Variants in GPM6A observed in about 807,000 individuals in gnomAD.
GPM6A encodes the protein glycoprotein M6A, also known as neuronal membrane glycoprotein M6-a.
A neutral mutation model predicts 32.1 loss-of-function variants in GPM6A; 7 were observed. That is an observed-to-expected ratio of 0.22 (90% CI 0.12 to 0.41). The LOEUF (loss-of-function observed/expected upper bound fraction) is 0.41. Among genes scored for constraint, GPM6A ranks in the 10% least tolerant of loss-of-function variants. The pLI is 1.00. For missense variants in GPM6A, 235 were observed against 347.2 expected, an observed-to-expected ratio of 0.68 and a Z score of 2.57; for synonymous variants, 130 against 123.4, an observed-to-expected ratio of 1.05 and a Z score of -0.35.
chr4:175,640,925 T>C, intron 4 of GPM6A, 96 bp from the exon 5 acceptor site: 1 of 715,458 alleles, frequency 1.4e-6, no homozygotes, highest in Admixed American at 2.4e-5. Flanking sequence ...CTAAGCAAGT[T>C]CCATTTTATC....
At chr4:175,817,401 C>T (rs747674973) in intron 1 of GPM6A, among the ~76,000 whole-genome samples, 5 of 152,192 alleles carry the variant, frequency 3.3e-5, no homozygotes, top group Non-Finnish European at 7.3e-5. Flanking sequence ...AGACAAATTC[C>T]TGCCCTAATT....
At chr4:175,904,036 T>G (rs1279174764) in intron 1 of GPM6A, among the ~76,000 whole-genome samples, 2 of 152,206 alleles carry the variant, frequency 1.3e-5, no homozygotes, top group Non-Finnish European at 2.9e-5. Flanking sequence ...TTCTACTATA[T>G]TCTATGTGGA....
intron 1 of GPM6A, among the ~76,000 whole-genome samples, chr4:175,969,551 A>G (rs1161773154): frequency 6.6e-6 from 1 of 152,122 alleles, no homozygotes; most frequent in Non-Finnish European, 1.5e-5. Flanking sequence ...TCTACTGAAA[A>G]AAAGAAAAAA....
chr4:175,936,279 C>T (rs1283515154), intron 1 of GPM6A, among the ~76,000 whole-genome samples: 5 of 113,600 alleles, frequency 4.4e-5, no homozygotes, highest in African/African-American at 2.5e-4. Flanking sequence ...GCACTCCAGC[C>T]TGGGCGACAC....
intron 1 of GPM6A, among the ~76,000 whole-genome samples, chr4:175,809,142 G>A (rs953894852): frequency 5.9e-5 from 9 of 152,094 alleles, no homozygotes; most frequent in East Asian, 3.8e-4. Context: ...AATCATTTAC[G>A]TATTTTCTCG....
chr4:175,991,101 G>A (rs1186729902), intron 1 of GPM6A, among the ~76,000 whole-genome samples: 12 of 126,162 alleles, frequency 9.5e-5, no homozygotes, highest in South Asian at 7.3e-4. Context: ...ACGTAATTTC[G>A]CTCTTGTAGC....
intron 1 of GPM6A, among the ~76,000 whole-genome samples, chr4:175,719,248 G>T (rs1279980606): frequency 6.6e-6 from 1 of 151,112 alleles, no homozygotes; most frequent in African/African-American, 2.4e-5. Context: ...CACCAGGCTG[G>T]AGTGCAGTGG....
chr4:175,837,391 A>G (rs1735801340), intron 1 of GPM6A, among the ~76,000 whole-genome samples: 1 of 152,176 alleles, frequency 6.6e-6, no homozygotes, highest in African/African-American at 2.4e-5. Context: ...TTACAGCAGC[A>G]ATAGGAAACT....
chr4:175,636,293 T>C (rs981899568), intron 6 of GPM6A, among the ~76,000 whole-genome samples: 6 of 130,886 alleles, frequency 4.6e-5, no homozygotes, highest in South Asian at 4.6e-4. Flanking sequence ...TATATATATA[T>C]ATATACATAT....
chr4:175,979,670 T>C (rs1740767577), intron 1 of GPM6A, among the ~76,000 whole-genome samples: 1 of 152,150 alleles, frequency 6.6e-6, no homozygotes, highest in Non-Finnish European at 1.5e-5. Context: ...CTTATAGACC[T>C]GGAACCATGG....
intron 1 of GPM6A, among the ~76,000 whole-genome samples, chr4:175,867,129 A>G (rs1736764513): frequency 6.6e-6 from 1 of 152,186 alleles, no homozygotes; most frequent in Non-Finnish European, 1.5e-5. Flanking sequence ...TCGAGTTTTA[A>G]GAGTCCTTGG....
Position 175,821,962 on chromosome 4 carries a change from C to T in GPM6A, c.-22-9713G>A, listed in dbSNP as rs78585424. Among the ~76,000 whole-genome samples, 314 of 152,128 alleles carry T rather than the reference C, an allele frequency of 2.1e-3. 6 individuals carry two copies. In the East Asian group the frequency reaches 0.049, roughly 24 times the overall value. On this transcript the variant is annotated intron_variant, in intron 1 of 7. Coordinates refer to the GPM6A transcript ENST00000280187. ...ACTGTGCATTCTAGGGTCCCCAACA[C>T]AGTGTTGAATTGAGCAGTGATTTTA... is the stretch of plus-strand genomic sequence containing the variant.
At chr4:175,723,431 AT>A (rs1338674092) in intron 1 of GPM6A, among the ~76,000 whole-genome samples, 5 of 151,924 alleles carry the variant, frequency 3.3e-5, no homozygotes, top group East Asian at 1.9e-4. Flanking sequence ...TTTTATTTTT[AT>A]TTTTTTATTT....
At chr4:175,656,179 A>T (rs1412226352) in intron 3 of GPM6A, among the ~76,000 whole-genome samples, 2 of 152,150 alleles carry the variant, frequency 1.3e-5, no homozygotes, top group Non-Finnish European at 2.9e-5. Flanking sequence ...CACAAAAAAA[A>T]ATTCAGTAAA....
intron 1 of GPM6A, among the ~76,000 whole-genome samples, chr4:175,914,740 G>GT (rs998783604): frequency 9.4e-6 from 1 of 106,108 alleles, no homozygotes; most frequent in African/African-American, 4.1e-5. Context: ...GTCAGAGCGA[G>GT]GGGGGGCCAC....
At chr4:175,925,776 C>G (rs1232144855) in intron 1 of GPM6A, among the ~76,000 whole-genome samples, 1 of 151,480 alleles carries the variant, frequency 6.6e-6, no homozygotes, top group African/African-American at 2.4e-5. Flanking sequence ...CAAAATACAG[C>G]TGTAGTTGTC....
chr4:175,924,770 G>A (rs1254038548), intron 1 of GPM6A, among the ~76,000 whole-genome samples: 1 of 150,878 alleles, frequency 6.6e-6, no homozygotes, highest in Non-Finnish European at 1.5e-5. Context: ...AACCTAGGAG[G>A]CAGAGTTTGC....
intron 1 of GPM6A, among the ~76,000 whole-genome samples, chr4:175,736,163 G>C (rs1055169854): frequency 6.6e-6 from 1 of 151,984 alleles, no homozygotes; most frequent in Non-Finnish European, 1.5e-5. Flanking sequence ...TTAGTCACAG[G>C]CATGCACCAC....
At chr4:175,715,311 A>C (rs956446115) in intron 1 of GPM6A, among the ~76,000 whole-genome samples, 1 of 152,080 alleles carries the variant, frequency 6.6e-6, no homozygotes, top group Admixed American at 6.6e-5. Context: ...CCACATCTTC[A>C]TGGGTTTATT....
Sources: allele counts gnomAD v4.1 joint callset (sites outside exome capture counted in the v4.1 genomes callset), GRCh38; gene constraint gnomAD v4.1.1; transcripts MANE v1.5; gene names NCBI Gene and HGNC (gene_info 2026-07-23, HGNC 2026-07-21).